Variants in ATP11C observed in about 807,000 individuals in gnomAD.
ATP11C encodes ATPase phospholipid transporting 11C (ATP11C blood group).
A neutral mutation model predicts 97.4 loss-of-function variants in ATP11C; 36 were observed. The observed-to-expected ratio is 0.37, with a 90% CI of 0.28 to 0.49. ATP11C has a LOEUF of 0.49. Among genes scored for constraint, ATP11C ranks in the 20% least tolerant of loss-of-function variants. ATP11C has a pLI of 0.98. For synonymous variants in ATP11C, 275 were observed against 290.9 expected, an observed-to-expected ratio of 0.95 and a Z score of 0.56; for missense variants, 730 against 824.6, an observed-to-expected ratio of 0.89 and a Z score of 1.40.
intron 6 of ATP11C, among the ~76,000 whole-genome samples, chrX:139,803,293 T>C (rs780412825): frequency 1.8e-5 from 2 of 112,244 alleles, no homozygotes; most frequent in Admixed American, 1.9e-4. Flanking sequence ...TTGAAAAGGT[T>C]AAAAGCAGGT....
chrX:139,763,154 T>C (rs956482963), intron 21 of ATP11C, among the ~76,000 whole-genome samples, 162 bp downstream of exon 21: 2 of 112,520 alleles, frequency 1.8e-5, no homozygotes, highest in Admixed American at 9.4e-5. Context: ...GGGATGGACA[T>C]GTTGCATGAT....
At position 139,757,799 on chromosome X, in the gene ATP11C, GA is replaced by G. The variant is rs1441034748; in HGVS notation, c.2700+8del. 8.6e-7 allele frequency: 1 copy of G among 1,160,098 alleles called. No individual in the cohort carries two copies. The highest frequency in any genetic ancestry group is 1.2e-6 in the Non-Finnish European group (1 of 862,276). On this transcript the variant is annotated splice_region_variant and intron_variant, in intron 23 of 29. Transcript: ENST00000682941. The stretch of plus-strand genomic sequence containing the variant: ...AACTATATTATAACGAATAACTTGA[GA>G]AACAAACCTGTTGTGAGAATCCACA...
chrX:139,851,296 A>G (rs1016561945), intron 1 of ATP11C, among the ~76,000 whole-genome samples: 4 of 112,438 alleles, frequency 3.6e-5, no homozygotes, highest in Middle Eastern at 4.2e-3. Flanking sequence ...GCTGCTCCAC[A>G]AAGTCCATGC....
intron 1 of ATP11C, among the ~76,000 whole-genome samples, chrX:139,866,976 C>T (rs2084297716): frequency 9.0e-6 from 1 of 111,468 alleles, no homozygotes; most frequent in Non-Finnish European, 1.9e-5. Context: ...ATCTCAGCTA[C>T]TTGAGAGGCT....
At chrX:139,732,588 A>C (rs79233190) in intron 28 of ATP11C, 2 of 161,447 alleles carry the variant, frequency 1.2e-5, no homozygotes, top group Non-Finnish European at 2.5e-5. Context: ...GCAGAAACCA[A>C]AAAAAAAAAA....
At chrX:139,853,833 CAAAAAAAAAAA>C (rs934664774) in intron 1 of ATP11C, among the ~76,000 whole-genome samples, 4 of 21,268 alleles carry the variant, frequency 1.9e-4, no homozygotes, top group East Asian at 2.0e-3. Flanking sequence ...TATCCTAAGT[CAAAAAAAAAAA>C]AAAAAAAAAA....
At chrX:139,730,037 C>A (rs925105527) in intron 29 of ATP11C, among the ~76,000 whole-genome samples, 1 of 111,554 alleles carries the variant, frequency 9.0e-6, no homozygotes, top group East Asian at 2.8e-4. Flanking sequence ...AGTTTCCTTA[C>A]CAACCAAGGA....
At chrX:139,778,901 A>G (rs757497525) in intron 18 of ATP11C, among the ~76,000 whole-genome samples, 2 of 112,004 alleles carry the variant, frequency 1.8e-5, no homozygotes, top group African/African-American at 3.2e-5. Context: ...AGAAAGATCT[A>G]TCATGCAAAT....
intron 5 of ATP11C, among the ~76,000 whole-genome samples, chrX:139,813,807 T>C (rs1033497324): frequency 1.8e-5 from 2 of 111,638 alleles, no homozygotes; most frequent in Admixed American, 1.9e-4. Context: ...GCAGTGAAAC[T>C]ATCCTGGTAT....
At chrX:139,923,759 T>C (rs922206629) in intron 1 of ATP11C, among the ~76,000 whole-genome samples, 1 of 111,798 alleles carries the variant, frequency 8.9e-6, no homozygotes, top group Non-Finnish European at 1.9e-5. Flanking sequence ...GTGGGATTAC[T>C]GCACCATCCA....
At chrX:139,844,276 G>A (rs1433445912) in intron 1 of ATP11C, among the ~76,000 whole-genome samples, 1 of 112,378 alleles carries the variant, frequency 8.9e-6, no homozygotes, top group Non-Finnish European at 1.9e-5. Flanking sequence ...GTTCAGCAAA[G>A]GTTATGATAA....
chrX:139,811,191 T>C (rs1455784898), intron 5 of ATP11C, among the ~76,000 whole-genome samples: 3 of 111,731 alleles, frequency 2.7e-5, no homozygotes, highest in African/African-American at 9.8e-5. Flanking sequence ...CCATTAAAAA[T>C]AATAGTGTCT....
At chrX:139,853,934 G>A (rs1447610022) in intron 1 of ATP11C, among the ~76,000 whole-genome samples, 2 of 109,077 alleles carry the variant, frequency 1.8e-5, no homozygotes, top group Admixed American at 9.8e-5. Context: ...CATTAACGAC[G>A]GATAATTCCC....
rs758041469 is a variant in ATP11C at position 139,743,207 on chromosome X, T to G, written c.3030+352A>C. Reference sequence around the variant, plus strand: ...CACACACACACTCTCTCTCTCTCTCTCGCTCTCTCTCTCACTCTCACCCAC... The same window carrying G: ...CACACACACACTCTCTCTCTCTCTCGCGCTCTCTCTCTCACTCTCACCCAC... On this transcript the variant is annotated intron_variant, in intron 26 of 29. Coordinates refer to ENST00000682941, the MANE Select transcript of ATP11C (RefSeq NM_001353812.2). Among the ~76,000 whole-genome samples, 4 of 110,044 alleles carry G rather than the reference T, an allele frequency of 3.6e-5. No homozygotes were observed. In the South Asian group the frequency reaches 1.6e-3, roughly 43 times the overall value.
intron 4 of ATP11C, 65 bp from the exon 5 acceptor site, chrX:139,815,050 T>C: frequency 1.6e-6 from 1 of 644,785 alleles, no homozygotes; most frequent in South Asian, 2.9e-5. Flanking sequence ...AATAAATTTC[T>C]ATATCCTCCC....
At chrX:139,883,526 G>A (rs2084592938) in intron 1 of ATP11C, among the ~76,000 whole-genome samples, 1 of 111,042 alleles carries the variant, frequency 9.0e-6, no homozygotes, top group African/African-American at 3.3e-5. Flanking sequence ...AATTTAGAGA[G>A]CCAGATCAAG....
intron 6 of ATP11C, among the ~76,000 whole-genome samples, chrX:139,803,685 C>CTTTTTTTTTTTTTTTT (rs140315105): frequency 2.6e-5 from 1 of 38,259 alleles, no homozygotes; most frequent in Non-Finnish European, 4.7e-5. Context: ...TACACCCTAT[C>CTTTTTTTTTTTTTTTT]TTTTTTTTTT....
chrX:139,761,044 G>A (rs1218227769), intron 22 of ATP11C, among the ~76,000 whole-genome samples: 1 of 111,186 alleles, frequency 9.0e-6, no homozygotes, highest in Non-Finnish European at 1.9e-5. Context: ...AGCACTTTGA[G>A]AGGCTGAGGG....
Position 139,862,077 on chromosome X carries a change from A to C in ATP11C, c.28-35254T>G, listed in dbSNP as rs147594505. Among the ~76,000 whole-genome samples, 183 of 111,420 alleles carry C rather than the reference A, an allele frequency of 1.6e-3. 2 individuals are homozygous for C. Among genetic ancestry groups the C allele is most frequent in the Non-Finnish European group, 1.6e-3 (87 of 53,131 alleles). On this transcript the variant is annotated intron_variant, in intron 1 of 29. Coordinates refer to ENST00000682941, the MANE Select transcript of ATP11C (RefSeq NM_001353812.2). ...TAGATCATGAGCTTTTTGTCCAATC[A>C]CATTTCTACATGGTTGTATTTAGAT... is the stretch of plus-strand genomic sequence containing the variant.
Sources: gnomAD v4.1 joint callset for allele counts (sites outside exome capture counted in the v4.1 genomes callset) on GRCh38, gnomAD v4.1.1 for gene constraint, MANE v1.5 for transcripts, NCBI Gene and HGNC (gene_info 2026-07-23, HGNC 2026-07-21) for gene names.